NIBAN1: variants seen among roughly 807,000 people sequenced by gnomAD.
NIBAN1 encodes niban apoptosis regulator 1.
A neutral mutation model predicts 75.1 loss-of-function variants in NIBAN1; 81 were observed. That is an observed-to-expected ratio of 1.08 (90% confidence interval 0.90 to 1.30). NIBAN1 has a LOEUF of 1.30. NIBAN1 is among the 50% of genes most tolerant of loss of function. The probability of loss-of-function intolerance (pLI) is 0.00; values close to 1 mark genes in which losing one functional copy is unlikely to be tolerated. For synonymous variants in NIBAN1, 436 were observed against 424.8 expected, an observed-to-expected ratio of 1.03 and a Z score of -0.32; for missense variants, 1,133 against 1,128.1, an observed-to-expected ratio of 1.00 and a Z score of -0.06.
At chr1:184,823,883 C>T in intron 6 of NIBAN1, 141 bp from the exon 7 acceptor site, 1 of 604,602 alleles carries the variant, frequency 1.7e-6, no homozygotes, top group Non-Finnish European at 2.9e-6. Context: ...TAACCTACTA[C>T]AGAGGCCACA....
chr1:184,887,159 A>T (rs1014389029), intron 4 of NIBAN1, among the ~76,000 whole-genome samples: 1 of 152,156 alleles, frequency 6.6e-6, no homozygotes. Context: ...TATTGGTTTA[A>T]ATAAAGAATA....
At chr1:184,870,902 CA>C (rs1455866709) in intron 5 of NIBAN1, among the ~76,000 whole-genome samples, 2 of 152,160 alleles carry the variant, frequency 1.3e-5, no homozygotes, top group South Asian at 4.1e-4. Context: ...GTATACCCCC[CA>C]AATTCATACG....
chr1:184,837,446 T>C (rs866889668), intron 5 of NIBAN1, among the ~76,000 whole-genome samples: 1 of 152,326 alleles, frequency 6.6e-6, no homozygotes. Flanking sequence ...GTTAATTTCC[T>C]AGCTGAAGGT....
At chr1:184,884,827 C>CT (rs1656476604) in intron 4 of NIBAN1, 27 bp from the exon 5 acceptor site, 1 of 1,608,180 alleles carries the variant, frequency 6.2e-7, no homozygotes, top group Non-Finnish European at 8.5e-7. Flanking sequence ...AACACAAATA[C>CT]CTTTTAAAAC....
At chr1:184,799,118 T>C (rs911084653) in intron 12 of NIBAN1, among the ~76,000 whole-genome samples, 2 of 152,124 alleles carry the variant, frequency 1.3e-5, no homozygotes, top group Non-Finnish European at 2.9e-5. Flanking sequence ...TGTATACATG[T>C]GCCATGCTGG....
At chr1:184,868,772 C>G in intron 5 of NIBAN1, among the ~76,000 whole-genome samples, 1 of 152,044 alleles carries the variant, frequency 6.6e-6, no homozygotes, top group Middle Eastern at 3.2e-3. Context: ...ACAGGGCACA[C>G]AGTATGCGTT....
chr1:184,943,401 C>T (rs1244791982), intron 1 of NIBAN1, among the ~76,000 whole-genome samples: 2 of 152,112 alleles, frequency 1.3e-5, no homozygotes, highest in Non-Finnish European at 2.9e-5. Flanking sequence ...TATAGGCATC[C>T]GATCACTGCA....
chr1:184,856,351 G>A lies in NIBAN1; in HGVS notation c.602-24389C>T, dbSNP rs138738944. On this transcript the variant is annotated intron_variant, in intron 5 of 13. Coordinates refer to ENST00000367511, the MANE Select transcript of NIBAN1 (RefSeq NM_052966.4). ...TATTCATATGGGTCTATTTTTGATC[G>A]GTATTTTCTCCCTAATGCTTATTGT... Among the ~76,000 whole-genome samples, 9 of 151,858 alleles carry A rather than the reference G, an allele frequency of 5.9e-5. No individual in the cohort carries two copies. The South Asian group carries it at 1.0e-3, about 18-fold the overall frequency.
At chr1:184,814,523 C>T (rs1029345777) in intron 9 of NIBAN1, among the ~76,000 whole-genome samples, 3 of 152,142 alleles carry the variant, frequency 2.0e-5, no homozygotes, top group African/African-American at 7.2e-5. Flanking sequence ...CAGTTGGCCT[C>T]ATGCTACATT....
chr1:184,917,751 T>G (rs935670007), intron 1 of NIBAN1, among the ~76,000 whole-genome samples: 2 of 152,136 alleles, frequency 1.3e-5, no homozygotes, highest in Non-Finnish European at 2.9e-5. Context: ...TTATCTCCTT[T>G]TTCTCGGATT....
chr1:184,852,945 C>T (rs1655581903), intron 5 of NIBAN1, among the ~76,000 whole-genome samples: 1 of 152,118 alleles, frequency 6.6e-6, no homozygotes, highest in South Asian at 2.1e-4. Flanking sequence ...CTTCTACTCC[C>T]CTAAATAACA....
Position 184,851,587 on chromosome 1 carries a change from C to T in NIBAN1, c.602-19625G>A, listed in dbSNP as rs1463274859. On this transcript the variant is annotated intron_variant, in intron 5 of 13. Transcript: ENST00000367511. ...GGCACATGTATACATATGTAACTAA[C>T]CTGCACAATGTGCACATGTACCCTA... 7.6e-5 allele frequency among the ~76,000 whole-genome samples: 2 copies of T among 26,254 alleles called. 1 individual carries two copies. Among genetic ancestry groups the T allele is most frequent in the African/African-American group, 4.8e-4 (2 of 4,152 alleles). The allele number at this position is 26,254 out of a possible 152,430, so 17.2% of individuals were successfully genotyped here.
intron 6 of NIBAN1, among the ~76,000 whole-genome samples, chr1:184,827,244 C>A (rs1654865683): frequency 6.6e-6 from 1 of 151,410 alleles, no homozygotes; most frequent in African/African-American, 2.5e-5. Flanking sequence ...GGGAGTGGGG[C>A]TCAGGGAATA....
intron 1 of NIBAN1, among the ~76,000 whole-genome samples, chr1:184,968,641 T>A (rs1213124075): frequency 1.3e-5 from 2 of 152,182 alleles, no homozygotes; most frequent in Non-Finnish European, 2.9e-5. Context: ...TTTGGATTAC[T>A]TTTTCTGAAA....
chr1:184,807,038 G>A (rs1232298324), intron 10 of NIBAN1, among the ~76,000 whole-genome samples: 2 of 152,132 alleles, frequency 1.3e-5, no homozygotes, highest in African/African-American at 2.4e-5. Flanking sequence ...CCAAAATGCT[G>A]GGATTACAGG....
At chr1:184,859,203 A>AATAT (rs971176668) in intron 5 of NIBAN1, among the ~76,000 whole-genome samples, 95 of 151,910 alleles carry the variant, frequency 6.3e-4, no homozygotes, top group African/African-American at 2.1e-3. Context: ...TAAATAAATA[A>AATAT]ATATATATAT....
In NIBAN1 at chr1:184,792,488, T is replaced by G. The variant is rs1165543836; in HGVS notation, c.*2489A>C. 6.5e-6 allele frequency: 1 copy of G among 152,718 alleles called. No individual in the cohort carries two copies. Among genetic ancestry groups the G allele is most frequent in the Non-Finnish European group, 1.5e-5 (1 of 68,100 alleles). The allele number at this position is 152,718 out of a possible 1,614,324, so 9.5% of individuals were successfully genotyped here. On this transcript the variant is annotated 3_prime_UTR_variant, in exon 14 of 14. Coordinates refer to ENST00000367511, the MANE Select transcript of NIBAN1 (RefSeq NM_052966.4). ...GAAGCTAGGAAGCTCCGGTGTGAGG[T>G]CAGCCTGGGCTGGGACTCCACACTA...
At chr1:184,862,530 T>C (rs1655843852) in intron 5 of NIBAN1, among the ~76,000 whole-genome samples, 1 of 152,152 alleles carries the variant, frequency 6.6e-6, no homozygotes, top group Non-Finnish European at 1.5e-5. Flanking sequence ...ATCTCCATAT[T>C]TATTTGAAAT....
At chr1:184,889,388 T>G (rs1197146185) in intron 4 of NIBAN1, among the ~76,000 whole-genome samples, 1 of 152,104 alleles carries the variant, frequency 6.6e-6, no homozygotes, top group African/African-American at 2.4e-5. Context: ...CTCCCAATTA[T>G]CTTTCCATGG....
Sources: allele counts gnomAD v4.1 joint callset (sites outside exome capture counted in the v4.1 genomes callset), GRCh38; gene constraint gnomAD v4.1.1; transcripts MANE v1.5; gene names NCBI Gene and HGNC (gene_info 2026-07-23, HGNC 2026-07-21).